URB1: variants seen among roughly 807,000 people sequenced by gnomAD.
URB1 encodes nucleolar pre-ribosomal-associated protein 1.
Under a neutral mutation model 242.3 loss-of-function variants are expected in URB1, and 197 were observed. That is an observed-to-expected ratio of 0.81 (90% confidence interval 0.72 to 0.91). The LOEUF (loss-of-function observed/expected upper bound fraction) is 0.91. Among genes scored for constraint, URB1 ranks in the 40% least tolerant of loss-of-function variants. The probability of loss-of-function intolerance (pLI) is 0.00; values close to 1 mark genes in which losing one functional copy is unlikely to be tolerated. For missense variants in URB1, 2,721 were observed against 2,860.5 expected (o/e 0.95, Z 1.11); for synonymous variants, 1,153 against 1,201.8 (o/e 0.96, Z 0.84).
intron 1 of URB1, among the ~76,000 whole-genome samples, chr21:32,389,911 A>C (rs1246938467): frequency 6.6e-6 from 1 of 152,166 alleles, no homozygotes; most frequent in Non-Finnish European, 1.5e-5. Flanking sequence ...TTGTTCCTCC[A>C]CTACACGAAG....
At position 32,314,852 on chromosome 21, in the gene URB1, C is replaced by T. The variant is rs2032655474; in HGVS notation, c.*66G>A. The T allele has an allele frequency of 1.3e-6, 2 of 1,516,808 alleles. No individual in the cohort carries two copies. Among genetic ancestry groups the T allele is most frequent in the South Asian group, 2.5e-5 (2 of 79,380 alleles). The allele number at this position is 1,516,808 out of a possible 1,614,324, so 94.0% of individuals were successfully genotyped here. A position where few individuals can be genotyped will look rare whatever the true frequency, so the allele number is the denominator to read the frequency against. ...TCTGGAAACCCTTGACTCAACCAAA[C>T]TTCTAGAAGCTGGTGCTGTGCTCGA... On this transcript the variant is annotated 3_prime_UTR_variant, in exon 39 of 39. Coordinates refer to ENST00000382751, the MANE Select transcript of URB1 (RefSeq NM_014825.3).
chr21:32,321,103 C>A (rs1379646317), intron 34 of URB1, among the ~76,000 whole-genome samples: 1 of 152,204 alleles, frequency 6.6e-6, no homozygotes, highest in African/African-American at 2.4e-5. Context: ...TTCTCACATG[C>A]CATAGAAAAC....
rs1280199702 is a variant in URB1 at position 32,347,031 on chromosome 21, G to A, written c.3793C>T (p.Leu1265=). Residue 1265 remains leucine, a synonymous_variant, in exon 22 of 39, where the codon CTG becomes TTG. Coordinates refer to ENST00000382751, the MANE Select transcript of URB1 (RefSeq NM_014825.3). ...TGGATGAGGGGAAGGAAGTCGTCCA[G>A]GTCCCCCTGGAGGCCGAGCCCTGGG... ...AGPGLGLQGD[L]DDFLPLIHVY... is the part of the protein sequence containing the mutation. The A allele has an allele frequency of 3.5e-5, 54 of 1,549,368 alleles. No individual in the cohort carries two copies. Among genetic ancestry groups the A allele is most frequent in the Non-Finnish European group, 4.5e-5 (51 of 1,145,598 alleles).
intron 5 of URB1, among the ~76,000 whole-genome samples, chr21:32,377,664 TCTC>T (rs1480257800): frequency 6.6e-6 from 1 of 151,974 alleles, no homozygotes; most frequent in African/African-American, 2.4e-5. Context: ...CCACCTGCAC[TCTC>T]CTCCTAAATC....
chr21:32,315,051 C>T lies in URB1; in HGVS notation c.6683G>A (p.Gly2228Glu), dbSNP rs1217560236. ...TAAGAGGGTGTCCGGCCGCTGAGCC[C>T]CCAGCCAGATGTCCTTTATGTAGAG... ...VSLYIKDIWL[G>E]AQRPDTLLTH... is the part of the protein sequence containing the mutation. Residue 2228 changes from glycine to glutamate, a missense_variant, in exon 39 of 39, where the codon GGG (glycine) becomes GAG (glutamate). By Grantham distance (98) the Gly-to-Glu change is moderately conservative. Transcript: ENST00000382751. The T allele has an allele frequency of 1.3e-6, 2 of 1,549,624 alleles. No homozygotes were observed. Among genetic ancestry groups the T allele is most frequent in the Non-Finnish European group, 1.7e-6 (2 of 1,145,818 alleles).
chr21:32,355,109 A>C, intron 16 of URB1, 112 bp from the exon 17 acceptor site: 5 of 1,303,316 alleles, frequency 3.8e-6, no homozygotes, highest in Non-Finnish European at 5.1e-6. Context: ...TTCAATCCTT[A>C]ATTAGAATAG....
intron 13 of URB1, among the ~76,000 whole-genome samples, chr21:32,360,645 A>T (rs2033272547): frequency 6.6e-6 from 1 of 152,168 alleles, no homozygotes; most frequent in Non-Finnish European, 1.5e-5. Context: ...TCTCTGCATA[A>T]ACAGGATGTC....
At chr21:32,324,077 G>C (rs1268996680) in intron 32 of URB1, among the ~76,000 whole-genome samples, 1 of 152,186 alleles carries the variant, frequency 6.6e-6, no homozygotes, top group Non-Finnish European at 1.5e-5. Flanking sequence ...GTCCAGGACC[G>C]TCTGGCTGTG....
intron 20 of URB1, 88 bp downstream of exon 20, chr21:32,350,616 T>C (rs377570428): frequency 3.5e-6 from 5 of 1,418,232 alleles, no homozygotes; most frequent in Admixed American, 2.0e-5. Context: ...GGAGCAAGAG[T>C]GTGCTGGGCT....
chr21:32,320,475 G>A lies in URB1; in HGVS notation c.5594+56C>T, dbSNP rs550827729. 110 of 1,311,800 alleles carry A rather than the reference G, an allele frequency of 8.4e-5. 2 individuals carry two copies. The highest frequency in any genetic ancestry group is 7.7e-4 in the African/African-American group (52 of 67,586). The allele number at this position is 1,311,800 out of a possible 1,614,324, so 81.3% of individuals were successfully genotyped here. A position where few individuals can be genotyped will look rare whatever the true frequency, so the allele number is the denominator to read the frequency against. ...AACAGAGCTGGCAGCAGACGTCATC[G>A]TTTCTGTTCCTTTCCTTCCCACCTG... On this transcript the variant is annotated intron_variant, in intron 35 of 38. Coordinates refer to ENST00000382751, the MANE Select transcript of URB1 (RefSeq NM_014825.3).
intron 8 of URB1, 64 bp downstream of exon 8, chr21:32,372,443 C>T (rs2033415980): frequency 2.0e-6 from 3 of 1,510,902 alleles, no homozygotes; most frequent in Non-Finnish European, 2.7e-6. Flanking sequence ...ACTAGACACT[C>T]ACATATGTGG....
intron 1 of URB1, among the ~76,000 whole-genome samples, chr21:32,387,387 C>T (rs2033594748): frequency 6.6e-6 from 1 of 152,126 alleles, no homozygotes; most frequent in South Asian, 2.1e-4. Flanking sequence ...CCACTGCACT[C>T]TAGCCTGGCA....
chr21:32,342,603 G>A (rs376939573), intron 24 of URB1, among the ~76,000 whole-genome samples: 68 of 152,100 alleles, frequency 4.5e-4, no homozygotes, highest in African/African-American at 1.6e-3. Flanking sequence ...TTCCAACCTA[G>A]GCCAGTTCAC....
rs888711333 is a variant in URB1 at position 32,334,183 on chromosome 21, G to A, written c.4837C>T (p.Arg1613Trp). The change falls in exon 29 of 39, where the codon CGG becomes TGG. Residue 1613 changes from arginine to tryptophan, a missense_variant. Arg to Trp is a moderately radical substitution (Grantham distance 101). Coordinates refer to ENST00000382751, the MANE Select transcript of URB1 (RefSeq NM_014825.3). ...MQTILHFPQN[R>W]RLLPPEDTQE... ...CCAACCTCGGGGGGCAGCAGCCTCCGGTTCTGGGGGAAGTGCAGGATGGTC... is the reference window on the plus strand; with the variant it reads ...CCAACCTCGGGGGGCAGCAGCCTCCAGTTCTGGGGGAAGTGCAGGATGGTC... The A allele has an allele frequency of 2.6e-5, 41 of 1,548,006 alleles. No individual in the cohort carries two copies. Among genetic ancestry groups the A allele is most frequent in the Admixed American group, 1.2e-4 (6 of 50,846 alleles).
intron 32 of URB1, among the ~76,000 whole-genome samples, chr21:32,322,934 AC>A (rs1206816658): frequency 6.6e-6 from 1 of 152,128 alleles, no homozygotes; most frequent in Non-Finnish European, 1.5e-5. Context: ...GGCTGACACC[AC>A]ACCCACCCGC....
In URB1 at chr21:32,355,449, G is replaced by A. The variant is rs75189665; in HGVS notation, c.2106C>T (p.Arg702=). 1.5e-3 allele frequency: 2,371 copies of A among 1,550,784 alleles called. 4 individuals carry two copies. Among genetic ancestry groups the A allele is most frequent in the African/African-American group, 4.8e-3 (348 of 73,108 alleles). The part of the protein sequence containing the change: ...DKETVIQFLE[R]ILLTLVANPY... Reference sequence around the variant, plus strand: ...CTTTATGTGGGAAATATGTGCTTACGCGTTCCAGAAACTGAATCACAGTCT... The same window carrying A: ...CTTTATGTGGGAAATATGTGCTTACACGTTCCAGAAACTGAATCACAGTCT... The change falls in exon 16 of 39, where the codon CGC becomes CGT. Residue 702 remains arginine (R), a splice_region_variant and synonymous_variant. Transcript: ENST00000382751.
At chr21:32,371,475 G>A (rs766514824) in intron 8 of URB1, among the ~76,000 whole-genome samples, 8 of 152,066 alleles carry the variant, frequency 5.3e-5, no homozygotes, top group Non-Finnish European at 7.4e-5. Context: ...GTTATGTTTT[G>A]GCAGGAAAAT....
At chr21:32,346,367 C>A (rs2033086095) in intron 22 of URB1, among the ~76,000 whole-genome samples, 1 of 152,340 alleles carries the variant, frequency 6.6e-6, no homozygotes, top group African/African-American at 2.4e-5. Flanking sequence ...AGAAGACTTG[C>A]AGGGCACTGT....
intron 5 of URB1, 113 bp from the exon 6 acceptor site, chr21:32,375,596 G>GA: frequency 2.2e-6 from 1 of 459,752 alleles, no homozygotes; most frequent in South Asian, 3.6e-5. Context: ...ACTTTTTCAA[G>GA]TTTTTTTTTT....
Sources: gnomAD v4.1 joint callset for allele counts (sites outside exome capture counted in the v4.1 genomes callset) on GRCh38, gnomAD v4.1.1 for gene constraint, MANE v1.5 for transcripts, NCBI Gene and HGNC (gene_info 2026-07-23, HGNC 2026-07-21) for gene names.